Variants in ZNF426 observed in about 807,000 individuals in gnomAD.
ZNF426 encodes the protein CTC-543D15.7.
A neutral mutation model predicts 24.0 loss-of-function variants in ZNF426; 23 were observed. The observed-to-expected ratio is 0.96, with a 90% CI of 0.69 to 1.36. The LOEUF (loss-of-function observed/expected upper bound fraction) is 1.36. ZNF426 is among the 40% of genes most tolerant of loss of function. The pLI is 0.00. For synonymous variants in ZNF426, 272 were observed against 224.6 expected, an observed-to-expected ratio of 1.21 and a Z score of -1.89; for missense variants, 646 against 658.4, an observed-to-expected ratio of 0.98 and a Z score of 0.21.
At position 9,527,229 on chromosome 19, in the gene ZNF426, T is replaced by C. The variant is rs1179760791; in HGVS notation, c.*1151A>G. ...AATTTTACATGTGTAAAAAAAATTCTGTGGAATTAATGTAAGGCTTCCTAC... is the reference window on the plus strand; with the variant it reads ...AATTTTACATGTGTAAAAAAAATTCCGTGGAATTAATGTAAGGCTTCCTAC... On this transcript the variant is annotated 3_prime_UTR_variant, in exon 8 of 8. Transcript: ENST00000253115. 6.6e-6 allele frequency: 1 copy of C among 152,196 alleles called. No homozygotes were observed. Among genetic ancestry groups the C allele is most frequent in the African/African-American group, 2.4e-5 (1 of 41,444 alleles). 9.4% of individuals were successfully genotyped at this position (152,196 alleles called of 1,614,324 possible). A position where few individuals can be genotyped will look rare whatever the true frequency, so the allele number is the denominator to read the frequency against.
Position 9,529,487 on chromosome 19 carries a change from C to A in ZNF426, c.558G>T (p.Leu186=). ...CNQYGKDFLT[L]CEKTSTGEKL... is the part of the protein sequence containing the mutation. ...TCTCACCAGTAGAGGTTTTCTCACA[C>A]AGGGTAAGGAAATCTTTTCCATACT... Residue 186 remains leucine (L), a synonymous_variant, in exon 8 of 8, where the codon CTG becomes CTT. Coordinates refer to ENST00000253115, the MANE Select transcript of ZNF426 (RefSeq NM_024106.3). The A allele has an allele frequency of 6.2e-7, 1 of 1,613,912 alleles. No individual in the cohort carries two copies.
At chr19:9,533,481 T>C (rs1021195174) in intron 5 of ZNF426, among the ~76,000 whole-genome samples, 2 of 151,978 alleles carry the variant, frequency 1.3e-5, no homozygotes, top group African/African-American at 2.4e-5. Context: ...AAATAAGGAA[T>C]AAGGAAGTAT....
At chr19:9,530,177 G>T (rs1476961797) in intron 7 of ZNF426, among the ~76,000 whole-genome samples, 1 of 152,128 alleles carries the variant, frequency 6.6e-6, no homozygotes, top group Non-Finnish European at 1.5e-5. Context: ...GTCTAGATGG[G>T]TGCAGTAGCT....
chr19:9,534,147 C>T (rs1053609650), intron 4 of ZNF426, among the ~76,000 whole-genome samples, 181 bp from the exon 5 acceptor site: 3 of 152,246 alleles, frequency 2.0e-5, no homozygotes, highest in Non-Finnish European at 4.4e-5. Flanking sequence ...ATCTCCTCCA[C>T]TCATAGTGCA....
Position 9,523,728 on chromosome 19 carries a change from C to T in ZNF426, c.*4652G>A, listed in dbSNP as rs1433557216. On this transcript the variant is annotated 3_prime_UTR_variant, in exon 8 of 8. Transcript: ENST00000253115. ...TCATAAGGAGTGTGCAACCTAGATC[C>T]CTTGCATGTGCAGTTCACAATAAAG... The T allele has an allele frequency of 1.3e-5, 2 of 152,196 alleles. No individual in the cohort carries two copies. Among genetic ancestry groups the T allele is most frequent in the African/African-American group, 4.8e-5 (2 of 41,438 alleles). 9.4% of individuals were successfully genotyped at this position (152,196 alleles called of 1,614,324 possible).
At chr19:9,532,735 C>G in intron 6 of ZNF426, 110 bp downstream of exon 6, 1 of 732,082 alleles carries the variant, frequency 1.4e-6, no homozygotes, top group Non-Finnish European at 2.3e-6. Flanking sequence ...TTTCTCTAAA[C>G]CTTGGGGTTT....
intron 7 of ZNF426, among the ~76,000 whole-genome samples, chr19:9,530,096 G>A (rs2144768580): frequency 6.6e-6 from 1 of 152,134 alleles, no homozygotes; most frequent in African/African-American, 2.4e-5. Context: ...ACTCTAGCCT[G>A]GGCAACAAAG....
intron 5 of ZNF426, among the ~76,000 whole-genome samples, chr19:9,533,370 C>G (rs535751175): frequency 1.3e-5 from 2 of 152,242 alleles, no homozygotes; most frequent in African/African-American, 4.8e-5. Flanking sequence ...GCCCAAGAAT[C>G]GCTTGAACCC....
At position 9,525,507 on chromosome 19, in the gene ZNF426, GAC is replaced by G. The variant is rs1445941398; in HGVS notation, c.*2871_*2872del. 2.6e-5 allele frequency: 4 copies of G among 152,308 alleles called. No individual in the cohort carries two copies. The highest frequency in any genetic ancestry group is 9.7e-5 in the African/African-American group (4 of 41,324). 9.4% of individuals were successfully genotyped at this position (152,308 alleles called of 1,614,324 possible). On this transcript the variant is annotated 3_prime_UTR_variant, in exon 8 of 8. Transcript: ENST00000253115. Reference sequence around the variant, plus strand: ...GTTGTTGTTGTTGTTGTTGTTTTGAGACAGAGTCTCACTCTGTCACCCAGGCT... The same window carrying G: ...GTTGTTGTTGTTGTTGTTGTTTTGAGAGAGTCTCACTCTGTCACCCAGGCT...
chr19:9,529,697 A>T, intron 7 of ZNF426, 61 bp from the exon 8 acceptor site: 9 of 1,459,018 alleles, frequency 6.2e-6, no homozygotes, highest in Non-Finnish European at 8.2e-6. Context: ...GAACATACCC[A>T]TCTGAAGCTA....
chr19:9,531,110 C>A, intron 6 of ZNF426, 43 bp from the exon 7 acceptor site: 1 of 1,496,200 alleles, frequency 6.7e-7, no homozygotes, highest in Non-Finnish European at 9.3e-7. Flanking sequence ...TCAAGCTAGG[C>A]ACAGTGGCTC....
chr19:9,526,842 G>C lies in ZNF426; in HGVS notation c.*1538C>G, dbSNP rs903755725. 4 of 152,068 alleles carry C rather than the reference G, an allele frequency of 2.6e-5. No individual in the cohort carries two copies. Among genetic ancestry groups the C allele is most frequent in the African/African-American group, 9.7e-5 (4 of 41,412 alleles). The allele number at this position is 152,068 out of a possible 1,614,324, so 9.4% of individuals were successfully genotyped here. On this transcript the variant is annotated 3_prime_UTR_variant, in exon 8 of 8. Transcript: ENST00000253115. ...AATTTTCATAGAAGCCAGAGGGGGG[G>C]AAATGCTTTAAGTATTGAGGATCAA...
At position 9,536,193 on chromosome 19, in the gene ZNF426, A is replaced by T; in HGVS notation, c.25+15T>A. ...ACCTAGAACAGGATATCCTAAAAAG[A>T]GCAACAGAGCTTACCATGGGACAAA... On this transcript the variant is annotated intron_variant, in intron 3 of 7. Coordinates refer to ENST00000253115, the MANE Select transcript of ZNF426 (RefSeq NM_024106.3). 6.2e-7 allele frequency: 1 copy of T among 1,614,178 alleles called. No individual in the cohort carries two copies. The highest frequency in any genetic ancestry group is 1.1e-5 in the South Asian group (1 of 91,084).
rs1239405014 is a variant in ZNF426 at position 9,526,775 on chromosome 19, G to A, written c.*1605C>T. 4 of 151,710 alleles carry A rather than the reference G, an allele frequency of 2.6e-5. No homozygotes were observed. The highest frequency in any genetic ancestry group is 9.7e-5 in the African/African-American group (4 of 41,298). The allele number at this position is 151,710 out of a possible 1,614,324, so 9.4% of individuals were successfully genotyped here. ...GACGAGCACCAAAAACCTATACCTA[G>A]GCATATCATTTAAAAATAACAGAAT... is the stretch of plus-strand genomic sequence containing the variant. On this transcript the variant is annotated 3_prime_UTR_variant, in exon 8 of 8. Coordinates refer to ENST00000253115, the MANE Select transcript of ZNF426 (RefSeq NM_024106.3).
chr19:9,526,114 G>C lies in ZNF426; in HGVS notation c.*2266C>G, dbSNP rs1437374176. 1 of 151,854 alleles carries C rather than the reference G, an allele frequency of 6.6e-6. No homozygotes were observed. Among genetic ancestry groups the C allele is most frequent in the African/African-American group, 2.4e-5 (1 of 41,310 alleles). The allele number at this position is 151,854 out of a possible 1,614,324, so 9.4% of individuals were successfully genotyped here. A position where few individuals can be genotyped will look rare whatever the true frequency, so the allele number is the denominator to read the frequency against. ...CACAGTGCAGAAGCACAGACTCACT[G>C]CAAGACTGACATCTAATCCCTGGAC... is the stretch of plus-strand genomic sequence containing the variant. On this transcript the variant is annotated 3_prime_UTR_variant, in exon 8 of 8. Transcript: ENST00000253115.
At chr19:9,537,476 G>C (rs921803291) in intron 2 of ZNF426, among the ~76,000 whole-genome samples, 1 of 144,060 alleles carries the variant, frequency 6.9e-6, no homozygotes, top group Non-Finnish European at 1.5e-5. Flanking sequence ...TTTTTGGAGA[G>C]ATGGAGTCTT....
chr19:9,537,523 C>A (rs889786874), intron 2 of ZNF426, among the ~76,000 whole-genome samples: 5 of 148,594 alleles, frequency 3.4e-5, no homozygotes, highest in African/African-American at 1.3e-4. Flanking sequence ...CTCCTGGGCT[C>A]AAGAGATCTT....
In ZNF426 at chr19:9,528,283, T is replaced by C; in HGVS notation, c.*97A>G. The C allele has an allele frequency of 2.4e-6, 3 of 1,274,776 alleles. No individual in the cohort carries two copies. Among genetic ancestry groups the C allele is most frequent in the South Asian group, 1.5e-5 (1 of 66,174 alleles). 79.0% of individuals were successfully genotyped at this position (1,274,776 alleles called of 1,614,324 possible). ...GATTACAGGAATTAAGTAATTTTCA[T>C]GCAGCTTCTTCTCTCCAGAGTGAGT... is the stretch of plus-strand genomic sequence containing the variant. On this transcript the variant is annotated 3_prime_UTR_variant, in exon 8 of 8. Coordinates refer to ENST00000253115, the MANE Select transcript of ZNF426 (RefSeq NM_024106.3).
intron 3 of ZNF426, among the ~76,000 whole-genome samples, chr19:9,535,761 C>G (rs997894855): frequency 2.0e-5 from 3 of 150,756 alleles, no homozygotes; most frequent in African/African-American, 7.3e-5. Flanking sequence ...TTGAGCCCAA[C>G]AGTTTGAGGC....
Sources: gnomAD v4.1 joint callset for allele counts (sites outside exome capture counted in the v4.1 genomes callset) on GRCh38, gnomAD v4.1.1 for gene constraint, MANE v1.5 for transcripts, NCBI Gene and HGNC (gene_info 2026-07-23, HGNC 2026-07-21) for gene names.